CAMTA1: variants seen among roughly 807,000 people sequenced by gnomAD.
CAMTA1 encodes calmodulin binding transcription activator 1.
Under a neutral mutation model 170.9 loss-of-function variants are expected in CAMTA1, and 27 were observed. The observed-to-expected ratio is 0.16, with a 90% CI of 0.12 to 0.22. The LOEUF (loss-of-function observed/expected upper bound fraction) is 0.22, where lower values mean the gene tolerates loss of function less well. CAMTA1 is among the 10% of genes least tolerant of loss of function. CAMTA1 has a pLI of 1.00. For missense variants in CAMTA1, 1,619 were observed against 2,217.2 expected (o/e 0.73, Z 5.42); for synonymous variants, 833 against 891.5 (o/e 0.93, Z 1.17).
intron 4 of CAMTA1, among the ~76,000 whole-genome samples, chr1:7,148,092 TCAAA>T (rs1344039795): frequency 2.9e-5 from 4 of 138,504 alleles, no homozygotes; most frequent in East Asian, 2.2e-4. Context: ...ATGCACACAC[TCAAA>T]CATACACCAC....
chr1:7,688,208 T>C, intron 11 of CAMTA1, among the ~76,000 whole-genome samples: 1 of 151,764 alleles, frequency 6.6e-6, no homozygotes, highest in East Asian at 1.9e-4. Flanking sequence ...TTTCACCATG[T>C]TGGCCAGGCT....
intron 4 of CAMTA1, among the ~76,000 whole-genome samples, chr1:7,225,804 C>G (rs576667856): frequency 9.2e-5 from 14 of 152,214 alleles, no homozygotes; most frequent in Non-Finnish European, 8.8e-5. Context: ...AGGGTCTAGT[C>G]TCCCTGCAGG....
Position 7,578,049 on chromosome 1 carries a change from C to A in CAMTA1, c.511-62351C>A, listed in dbSNP as rs553657242. On this transcript the variant is annotated intron_variant, in intron 6 of 22. Coordinates refer to ENST00000303635, the MANE Select transcript of CAMTA1 (RefSeq NM_015215.4). ...TTCCCAGACTGTTTAATATGTTAAT[C>A]TCACATTGTGAGTCCCCATGATGGG... is the stretch of plus-strand genomic sequence containing the variant. Among the ~76,000 whole-genome samples, 3 of 152,354 alleles carry A rather than the reference C, an allele frequency of 2.0e-5. No individual in the cohort carries two copies. In the East Asian group the frequency reaches 5.8e-4, roughly 29 times the overall value.
intron 8 of CAMTA1, among the ~76,000 whole-genome samples, chr1:7,662,643 C>T (rs775909016): frequency 2.0e-5 from 3 of 152,178 alleles, no homozygotes; most frequent in East Asian, 3.9e-4. Flanking sequence ...CAGAAACGTT[C>T]GGCTCCTGAG....
At chr1:7,272,712 A>AAAAAAG (rs1670017608) in intron 5 of CAMTA1, among the ~76,000 whole-genome samples, 5 of 109,958 alleles carry the variant, frequency 4.5e-5, no homozygotes, top group Non-Finnish European at 9.9e-5. Flanking sequence ...AAAAAAAAAA[A>AAAAAAG]AAAAGAAAAG....
chr1:7,188,755 A>G (rs923119755), intron 4 of CAMTA1, among the ~76,000 whole-genome samples: 1 of 152,208 alleles, frequency 6.6e-6, no homozygotes, highest in African/African-American at 2.4e-5. Flanking sequence ...TATGTGAACA[A>G]TCCTGCTATG....
intron 5 of CAMTA1, among the ~76,000 whole-genome samples, chr1:7,280,835 A>C (rs1671402042): frequency 6.6e-6 from 1 of 152,266 alleles, no homozygotes; most frequent in African/African-American, 2.4e-5. Flanking sequence ...TGTCATAGTA[A>C]TTGATAGGAC....
intron 6 of CAMTA1, among the ~76,000 whole-genome samples, chr1:7,596,744 T>C (rs912063470): frequency 6.6e-6 from 1 of 152,200 alleles, no homozygotes; most frequent in African/African-American, 2.4e-5. Flanking sequence ...CGGCACTTGC[T>C]TTTATTGGTT....
At chr1:7,377,796 C>T (rs1208962620) in intron 5 of CAMTA1, among the ~76,000 whole-genome samples, 2 of 152,118 alleles carry the variant, frequency 1.3e-5, no homozygotes, top group African/African-American at 4.8e-5. Context: ...TGGTGTGCAC[C>T]TGTAATCCCA....
intron 3 of CAMTA1, among the ~76,000 whole-genome samples, chr1:7,057,057 A>G (rs7552638): frequency 0.66 from 99,879 of 152,014 alleles, 33,026 homozygotes; most frequent in Non-Finnish European, 0.69. Context: ...GCTTAGGGCC[A>G]GGCCCTTCTC....
chr1:7,488,500 C>T (rs769074409), intron 6 of CAMTA1, among the ~76,000 whole-genome samples: 8 of 152,154 alleles, frequency 5.3e-5, no homozygotes, highest in Non-Finnish European at 7.4e-5. Context: ...AATACACACA[C>T]ACGCACATAC....
rs1459086434 is a variant in CAMTA1, at chr1:7,044,600, G to A, written c.235-46704G>A. Among the ~76,000 whole-genome samples, 3 of 152,178 alleles carry A rather than the reference G, an allele frequency of 2.0e-5. No homozygotes were observed. The highest frequency in any genetic ancestry group is 2.1e-4 in the South Asian group (1 of 4,822). On this transcript the variant is annotated intron_variant, in intron 3 of 22. Transcript: ENST00000303635. The surrounding 1 kb of genome is among the most constrained non-coding windows in gnomAD (Gnocchi z 5.0). ...TCTAGCGGGCAGATTCTGTGGTGGC[G>A]CTGAAACAGGAGACGTCCTCTCCGA...
chr1:7,709,873 C>T (rs918980679), intron 11 of CAMTA1, among the ~76,000 whole-genome samples: 23 of 152,278 alleles, frequency 1.5e-4, no homozygotes, highest in African/African-American at 5.1e-4. Context: ...ACATAGTAAG[C>T]GTAAGTATTG....
intron 3 of CAMTA1, chr1:7,008,625 C>T (rs963780437): frequency 6.6e-6 from 1 of 152,164 alleles, no homozygotes; most frequent in Non-Finnish European, 1.5e-5. Context: ...ATGAATAGAA[C>T]TTTCACAGGT....
intron 6 of CAMTA1, among the ~76,000 whole-genome samples, chr1:7,501,863 G>A (rs2094010994): frequency 6.6e-6 from 1 of 152,120 alleles, no homozygotes; most frequent in Non-Finnish European, 1.5e-5. Flanking sequence ...TTCCTCAGCT[G>A]CCGGCAGCTC....
chr1:7,353,117 C>T (rs1335862736), intron 5 of CAMTA1, among the ~76,000 whole-genome samples: 1 of 152,196 alleles, frequency 6.6e-6, no homozygotes, highest in Non-Finnish European at 1.5e-5. Context: ...GGCTTGGCCA[C>T]ATCCAATCAC....
At chr1:6,838,765 T>C (rs1654349019) in intron 3 of CAMTA1, among the ~76,000 whole-genome samples, 1 of 152,174 alleles carries the variant, frequency 6.6e-6, no homozygotes, top group Non-Finnish European at 1.5e-5. Context: ...TGTTTGTTTC[T>C]TGATTGACTG....
In CAMTA1 at chr1:7,421,032, G is replaced by A. The variant is rs536012882; in HGVS notation, c.439-46798G>A. Among the ~76,000 whole-genome samples the A allele has an allele frequency of 3.3e-5, 5 of 152,212 alleles. No homozygotes were observed. The East Asian group carries it at 5.8e-4, about 18-fold the overall frequency. ...CTGTCTCTTGACCTGAGAAAAGCAG[G>A]TGCTGCCCTTCTGTGTCCTGGCTGT... On this transcript the variant is annotated intron_variant, in intron 5 of 22. Coordinates refer to ENST00000303635, the MANE Select transcript of CAMTA1 (RefSeq NM_015215.4).
At chr1:7,521,802 C>T (rs1218146946) in intron 6 of CAMTA1, among the ~76,000 whole-genome samples, 1 of 152,224 alleles carries the variant, frequency 6.6e-6, no homozygotes, top group Non-Finnish European at 1.5e-5. Flanking sequence ...CCACCTCTGC[C>T]TCCCAAAGTG....
Sources: gnomAD v4.1 joint callset for allele counts (sites outside exome capture counted in the v4.1 genomes callset) on GRCh38, gnomAD v4.1.1 for gene constraint, Gnocchi (gnomAD v3.1) non-coding constraint, MANE v1.5 for transcripts, NCBI Gene and HGNC (gene_info 2026-07-23, HGNC 2026-07-21) for gene names.